The following CAMK2B variants were observed in gnomAD, a reference collection of about 807,000 sequenced individuals.
The protein encoded by CAMK2B is calcium/calmodulin dependent protein kinase II beta, also known as calcium/calmodulin-dependent protein kinase type II subunit beta.
In CAMK2B, 27 loss-of-function variants were observed where a neutral mutation model predicts 93.7. The observed-to-expected ratio is 0.29, with a 90% CI of 0.21 to 0.40. The LOEUF (loss-of-function observed/expected upper bound fraction) is 0.40, where lower values mean the gene tolerates loss of function less well. Among genes scored for constraint, CAMK2B ranks in the 10% least tolerant of loss-of-function variants. CAMK2B has a pLI of 1.00. For missense variants in CAMK2B, 568 were observed against 895.8 expected, an observed-to-expected ratio of 0.63 and a Z score of 4.67; for synonymous variants, 374 against 358.8, an observed-to-expected ratio of 1.04 and a Z score of -0.48.
At chr7:44,301,418 T>G (rs546741157) in intron 1 of CAMK2B, among the ~76,000 whole-genome samples, 63 of 152,328 alleles carry the variant, frequency 4.1e-4, no homozygotes, top group African/African-American at 1.4e-3. Context: ...ATTACAGGTG[T>G]CAGCCATTGC....
chr7:44,274,875 TG>T (rs58343455), intron 2 of CAMK2B, among the ~76,000 whole-genome samples: 2,999 of 152,212 alleles, frequency 0.02, 93 homozygotes, highest in African/African-American at 0.068. Flanking sequence ...CGGCAGAGCC[TG>T]GAAGTAAGGA....
intron 5 of CAMK2B, among the ~76,000 whole-genome samples, chr7:44,251,674 C>T (rs1359561144): frequency 1.3e-5 from 2 of 152,246 alleles, no homozygotes; most frequent in Non-Finnish European, 2.9e-5. Flanking sequence ...TCCATTTGAG[C>T]TCCAAACCCT....
At chr7:44,273,255 C>T (rs1050071457) in intron 2 of CAMK2B, among the ~76,000 whole-genome samples, 2 of 152,172 alleles carry the variant, frequency 1.3e-5, no homozygotes. Flanking sequence ...CCTCCCCAGC[C>T]CCTGCCTGTT....
rs185862637 is a variant in CAMK2B, at chr7:44,290,944, C to T, written c.66-6719G>A. Among the ~76,000 whole-genome samples the T allele has an allele frequency of 1.4e-3, 207 of 152,262 alleles. 1 individual carries two copies. The highest frequency in any genetic ancestry group is 4.9e-3 in the African/African-American group (203 of 41,560). ...TCTACAGAATGCGTTGACGTTGCCT[C>T]CATAACCCACAACACGGTCAGTAGG... On this transcript the variant is annotated intron_variant, in intron 1 of 23. Coordinates refer to ENST00000395749, the MANE Select transcript of CAMK2B (RefSeq NM_001220.5).
chr7:44,283,349 GGGAGACCCC>G (rs1784229151), intron 2 of CAMK2B, among the ~76,000 whole-genome samples: 2 of 152,256 alleles, frequency 1.3e-5, no homozygotes, highest in African/African-American at 4.8e-5. Context: ...CGTGAGGGCA[GGGAGACCCC>G]GTGAGGGCAG....
chr7:44,229,030 G>GCCTGAT, intron 18 of CAMK2B, 106 bp from the exon 19 acceptor site: 1 of 1,097,444 alleles, frequency 9.1e-7, no homozygotes, highest in Non-Finnish European at 1.4e-6. Context: ...GACCCCTTGG[G>GCCTGAT]CCCTGGGATC....
In CAMK2B at chr7:44,224,613, G is replaced by A. The variant is rs773390175; in HGVS notation, c.1597+1903C>T. On this transcript the variant is annotated intron_variant, in intron 20 of 23. Coordinates refer to ENST00000395749, the MANE Select transcript of CAMK2B (RefSeq NM_001220.5). The surrounding 1 kb of genome is among the most constrained non-coding windows in gnomAD (Gnocchi z 4.4). ...GGCAGGCCTAATGCGTCCAGGTGGG[G>A]TCAGAGCAGGTTCTCATCCTGGCCT... 2.0e-5 allele frequency among the ~76,000 whole-genome samples: 3 copies of A among 152,164 alleles called. No individual in the cohort carries two copies. The highest frequency in any genetic ancestry group is 4.4e-5 in the Non-Finnish European group (3 of 68,002).
At chr7:44,300,310 A>G (rs1222842059) in intron 1 of CAMK2B, among the ~76,000 whole-genome samples, 1 of 152,036 alleles carries the variant, frequency 6.6e-6, no homozygotes, top group East Asian at 1.9e-4. Flanking sequence ...TGCTGGAATT[A>G]CAGGTGTAAG....
At chr7:44,290,535 C>T (rs1786495577) in intron 1 of CAMK2B, among the ~76,000 whole-genome samples, 1 of 152,214 alleles carries the variant, frequency 6.6e-6, no homozygotes, top group African/African-American at 2.4e-5. Flanking sequence ...ATGAGGAGGC[C>T]TGGGCTAGGG....
intron 3 of CAMK2B, among the ~76,000 whole-genome samples, chr7:44,262,444 C>T (rs1198556995): frequency 6.6e-6 from 1 of 152,224 alleles, no homozygotes; most frequent in African/African-American, 2.4e-5. Context: ...TTCCAGAAGC[C>T]CTGGGCCAGC....
chr7:44,285,811 C>CA (rs1554436425), intron 1 of CAMK2B, among the ~76,000 whole-genome samples: 1 of 89,308 alleles, frequency 1.1e-5, no homozygotes, highest in Admixed American at 1.4e-4. Context: ...GGAGATGCGG[C>CA]GGGGGGGAGG....
At chr7:44,233,725 C>T (rs1337058822) in intron 15 of CAMK2B, among the ~76,000 whole-genome samples, 2 of 152,148 alleles carry the variant, frequency 1.3e-5, no homozygotes, top group Admixed American at 6.5e-5. Flanking sequence ...CACTGAGGGG[C>T]GCAGTTGGAG....
rs2096369004 is a variant in CAMK2B at position 44,219,352 on chromosome 7, T to G, written c.*173A>C. ...GTTGTCGTCGTCATCTTGTTTTTTT[T>G]TTTTTTTTTTTTGTTTTTTTTTAAC... On this transcript the variant is annotated 3_prime_UTR_variant, in exon 24 of 24. Transcript: ENST00000395749. 2.3e-5 allele frequency: 3 copies of G among 133,046 alleles called. No homozygotes were observed. The highest frequency in any genetic ancestry group is 5.0e-5 in the Non-Finnish European group (3 of 59,932). The allele number at this position is 133,046 out of a possible 1,614,324, so 8.2% of individuals were successfully genotyped here.
intron 1 of CAMK2B, among the ~76,000 whole-genome samples, chr7:44,317,098 C>T (rs1165884265): frequency 6.6e-6 from 1 of 152,158 alleles, no homozygotes; most frequent in Admixed American, 6.5e-5. Context: ...TTGTTCACTA[C>T]TGTTTCCCAA....
chr7:44,311,327 C>T lies in CAMK2B; in HGVS notation c.65+14030G>A, dbSNP rs1040282172. On this transcript the variant is annotated intron_variant, in intron 1 of 23. Transcript: ENST00000395749. This position sits in a 1 kb window ranked among gnomAD's most constrained non-coding sequence, Gnocchi z 4.2. ...CTGACTTCAAGTGATCCGCCCATCTCGGCCTCCCAAAGTGCTGGGATTACA... is the reference window on the plus strand; with the variant it reads ...CTGACTTCAAGTGATCCGCCCATCTTGGCCTCCCAAAGTGCTGGGATTACA... 1.3e-5 allele frequency among the ~76,000 whole-genome samples: 2 copies of T among 152,208 alleles called. No homozygotes were observed. The highest frequency in any genetic ancestry group is 2.4e-5 in the African/African-American group (1 of 41,452).
intron 2 of CAMK2B, among the ~76,000 whole-genome samples, chr7:44,265,486 G>A (rs181397368): frequency 6.6e-6 from 1 of 152,364 alleles, no homozygotes; most frequent in Admixed American, 6.5e-5. Flanking sequence ...GGAGGGAGAT[G>A]CGGTGGAACC....
At chr7:44,302,881 C>T (rs970525959) in intron 1 of CAMK2B, among the ~76,000 whole-genome samples, 3 of 152,060 alleles carry the variant, frequency 2.0e-5, no homozygotes, top group African/African-American at 4.8e-5. Flanking sequence ...CACTGCTATT[C>T]GACATCTTAC....
intron 1 of CAMK2B, among the ~76,000 whole-genome samples, chr7:44,318,223 C>G (rs1040923167): frequency 6.6e-6 from 1 of 152,238 alleles, no homozygotes; most frequent in Non-Finnish European, 1.5e-5. Context: ...AAGCTGCAAG[C>G]CTCTTGGAGT....
At chr7:44,317,293 T>C (rs1395176673) in intron 1 of CAMK2B, among the ~76,000 whole-genome samples, 1 of 150,372 alleles carries the variant, frequency 6.7e-6, no homozygotes, top group Non-Finnish European at 1.5e-5. Context: ...TCTGGCCCTG[T>C]GTTGTCCAAT....
Sources: allele counts gnomAD v4.1 joint callset (sites outside exome capture counted in the v4.1 genomes callset), GRCh38; gene constraint gnomAD v4.1.1; non-coding constraint Gnocchi (gnomAD v3.1); transcripts MANE v1.5; gene names NCBI Gene and HGNC (gene_info 2026-07-23, HGNC 2026-07-21).